GATAD2B: variants seen among roughly 807,000 people sequenced by gnomAD.
The protein encoded by GATAD2B is transcriptional repressor p66-beta.
Under a neutral mutation model 64.3 loss-of-function variants are expected in GATAD2B, and 8 were observed. The observed-to-expected ratio is 0.12, with a 90% CI of 0.07 to 0.22. GATAD2B has a LOEUF of 0.22. Ranked by LOEUF, GATAD2B falls within the 10% of genes least tolerant of loss-of-function variation. The probability of loss-of-function intolerance (pLI) is 1.00; values close to 1 mark genes in which losing one functional copy is unlikely to be tolerated. For synonymous variants in GATAD2B, 281 were observed against 271.3 expected (o/e 1.04, Z -0.35); for missense variants, 453 against 752.0 (o/e 0.60, Z 4.65).
chr1:153,892,163 C>CAAAAAAAAAAAAAAAAAA (rs900308080), intron 1 of GATAD2B, among the ~76,000 whole-genome samples: 3 of 50,310 alleles, frequency 6.0e-5, no homozygotes, highest in East Asian at 5.5e-4. Flanking sequence ...GACTCCGTCT[C>CAAAAAAAAAAAAAAAAAA]AAAAAAAAAA....
intron 1 of GATAD2B, among the ~76,000 whole-genome samples, chr1:153,878,682 A>G (rs1676910702): frequency 6.6e-6 from 1 of 151,366 alleles, no homozygotes; most frequent in Admixed American, 6.6e-5. Context: ...CTCATTCCCA[A>G]CTCTCCCCAT....
At chr1:153,817,221 G>T in intron 6 of GATAD2B, 151 bp downstream of exon 6, 1 of 626,708 alleles carries the variant, frequency 1.6e-6, no homozygotes. Flanking sequence ...TTCTACTTTT[G>T]GGACTGCTCT....
intron 1 of GATAD2B, among the ~76,000 whole-genome samples, chr1:153,878,133 A>C (rs957841106): frequency 1.3e-5 from 2 of 151,672 alleles, no homozygotes; most frequent in Non-Finnish European, 2.9e-5. Flanking sequence ...TAAGCAGAAC[A>C]ACCATTGTGG....
chr1:153,908,339 A>T (rs992720868), intron 1 of GATAD2B, among the ~76,000 whole-genome samples: 3 of 152,188 alleles, frequency 2.0e-5, no homozygotes, highest in Non-Finnish European at 4.4e-5. Context: ...ATAAAATTTT[A>T]AAAAATGAAA....
At chr1:153,875,991 G>A (rs1221584115) in intron 1 of GATAD2B, among the ~76,000 whole-genome samples, 1 of 151,932 alleles carries the variant, frequency 6.6e-6, no homozygotes, top group East Asian at 1.9e-4. Context: ...CACTTTGAGA[G>A]GCCAAAGCAG....
At chr1:153,900,793 A>C (rs1436918027) in intron 1 of GATAD2B, among the ~76,000 whole-genome samples, 1 of 152,196 alleles carries the variant, frequency 6.6e-6, no homozygotes. Context: ...ACAACCAAAG[A>C]CAATATGAAA....
rs554053955 is a variant in GATAD2B at position 153,838,305 on chromosome 1, G to C, written c.-1-9957C>G. Among the ~76,000 whole-genome samples the C allele has an allele frequency of 2.0e-5, 3 of 152,130 alleles. No individual in the cohort carries two copies. In the East Asian group the frequency reaches 5.8e-4, roughly 29 times the overall value. On this transcript the variant is annotated intron_variant, in intron 1 of 10. Coordinates refer to ENST00000368655, the MANE Select transcript of GATAD2B (RefSeq NM_020699.4). ...TCAGACATTAGGAGTAAAGATTTTT[G>C]GAAAACGACTAGATTACTGTTTTCC...
chr1:153,845,743 G>GC (rs1315535114), intron 1 of GATAD2B, among the ~76,000 whole-genome samples: 1 of 151,944 alleles, frequency 6.6e-6, no homozygotes, highest in Non-Finnish European at 1.5e-5. Flanking sequence ...GGGTGACAGA[G>GC]CAAGACTCTA....
chr1:153,902,571 C>A (rs1677812320), intron 1 of GATAD2B, among the ~76,000 whole-genome samples: 1 of 152,102 alleles, frequency 6.6e-6, no homozygotes, highest in Admixed American at 6.6e-5. Flanking sequence ...TCTCTTACCT[C>A]AGCCTCCTGT....
intron 1 of GATAD2B, among the ~76,000 whole-genome samples, chr1:153,881,662 T>C (rs751884474): frequency 2.9e-4 from 44 of 152,312 alleles, no homozygotes; most frequent in Non-Finnish European, 1.0e-4. Flanking sequence ...CAGTTAAAAC[T>C]ACTTAGAGGT....
chr1:153,813,142 C>A, intron 8 of GATAD2B, 108 bp downstream of exon 8: 1 of 773,266 alleles, frequency 1.3e-6, no homozygotes, highest in Middle Eastern at 2.9e-4. Flanking sequence ...AAAAAGGGAA[C>A]CTGTGGACCT....
chr1:153,845,330 C>T (rs545123384), intron 1 of GATAD2B, among the ~76,000 whole-genome samples: 4 of 149,712 alleles, frequency 2.7e-5, no homozygotes, highest in Admixed American at 6.7e-5. Flanking sequence ...TGCAGTGAGC[C>T]TGATCAAGCC....
chr1:153,824,249 C>CA (rs11429576), intron 2 of GATAD2B, among the ~76,000 whole-genome samples: 63,656 of 151,886 alleles, frequency 0.42, 14,330 homozygotes, highest in Non-Finnish European at 0.52. Flanking sequence ...TGTGAACAGC[C>CA]AATGTACGTC....
At chr1:153,822,975 G>C (rs1674736238) in intron 2 of GATAD2B, among the ~76,000 whole-genome samples, 1 of 151,878 alleles carries the variant, frequency 6.6e-6, no homozygotes, top group Non-Finnish European at 1.5e-5. Context: ...TGTAGAGAAG[G>C]GGTCTCCTTA....
intron 7 of GATAD2B, among the ~76,000 whole-genome samples, chr1:153,815,186 T>C (rs1674423905): frequency 7.4e-6 from 1 of 135,402 alleles, no homozygotes. Context: ...AATGGGAGGA[T>C]GGCTTGAGCC....
chr1:153,852,968 G>T, intron 1 of GATAD2B: 1 of 919,186 alleles, frequency 1.1e-6, no homozygotes, highest in Non-Finnish European at 1.8e-6. Context: ...ACACAGACTT[G>T]GGTCTTCTCC....
intron 1 of GATAD2B, among the ~76,000 whole-genome samples, chr1:153,908,781 GGAAAAAAAAA>G (rs1202553125): frequency 0.018 from 520 of 29,196 alleles, 4 homozygotes; most frequent in African/African-American, 0.03. Context: ...AAACATACTT[GGAAAAAAAAA>G]AAAAAAAAAA....
At chr1:153,859,602 G>A (rs1297463392) in intron 1 of GATAD2B, among the ~76,000 whole-genome samples, 1 of 150,754 alleles carries the variant, frequency 6.6e-6, no homozygotes, top group Non-Finnish European at 1.5e-5. Context: ...CCCAGGAGGT[G>A]GAGGCTGCAG....
At chr1:153,903,905 G>C (rs991968261) in intron 1 of GATAD2B, among the ~76,000 whole-genome samples, 1 of 152,164 alleles carries the variant, frequency 6.6e-6, no homozygotes, top group Non-Finnish European at 1.5e-5. Flanking sequence ...AATCACCTGA[G>C]TTCGGGAAGT....
Sources: gnomAD v4.1 joint callset for allele counts (sites outside exome capture counted in the v4.1 genomes callset) on GRCh38, gnomAD v4.1.1 for gene constraint, MANE v1.5 for transcripts, NCBI Gene and HGNC (gene_info 2026-07-23, HGNC 2026-07-21) for gene names.